The following SASH1 variants were observed in gnomAD, a reference collection of about 807,000 sequenced individuals.
SASH1 encodes SAM and SH3 domain-containing protein 1.
SASH1 carries 44 observed loss-of-function variants against 125.2 expected under a neutral mutation model. That is an observed-to-expected ratio of 0.35 (90% confidence interval 0.28 to 0.45). The LOEUF is 0.45. SASH1 is among the 20% of genes least tolerant of loss of function. The pLI is 1.00. For missense variants in SASH1, 1,426 were observed against 1,614.5 expected, an observed-to-expected ratio of 0.88 and a Z score of 2.00; for synonymous variants, 639 against 649.1, an observed-to-expected ratio of 0.98 and a Z score of 0.24.
intron 1 of SASH1, among the ~76,000 whole-genome samples, chr6:148,356,305 G>A (rs914555612): frequency 6.6e-6 from 1 of 151,260 alleles, no homozygotes; most frequent in East Asian, 1.9e-4. Flanking sequence ...GGCTGGTCTC[G>A]AACTCCTGAC....
the SASH1 span, among the ~76,000 whole-genome samples, chr6:148,207,368 C>A: frequency 6.6e-6 from 1 of 152,068 alleles, no homozygotes; most frequent in Non-Finnish European, 1.5e-5. Flanking sequence ...TAGTGGCTAC[C>A]ACACTGAACG....
intron 8 of SASH1, chr6:148,508,991 C>A: frequency 1.8e-6 from 1 of 552,864 alleles, no homozygotes. Context: ...TCTTAAATTC[C>A]TCTAGATTTG....
At chr6:148,421,189 G>GAA (rs1210627833) in intron 2 of SASH1, among the ~76,000 whole-genome samples, 3 of 144,508 alleles carry the variant, frequency 2.1e-5, no homozygotes, top group East Asian at 2.2e-4. Context: ...AAGAAAGAAA[G>GAA]AAAGAAAGAA....
intron 8 of SASH1, among the ~76,000 whole-genome samples, chr6:148,501,280 A>G (rs1191803164): frequency 6.6e-6 from 1 of 152,174 alleles, no homozygotes; most frequent in Non-Finnish European, 1.5e-5. Context: ...CATTCAGCCT[A>G]AGATGCCATA....
At position 148,544,038 on chromosome 6, in the gene SASH1, G is replaced by C; in HGVS notation, c.2568G>C (p.Glu856Asp). ...GTGCTGAGCAAGACGTGCCTACCGA[G>C]GTGACAGAACCGCCCCCTCAGATTG... ...EPGAEQDVPT[E>D]VTEPPPQIVP... The change falls in exon 18 of 20, where the codon GAG becomes GAC. Residue 856 changes from glutamate to aspartate, a missense_variant. By Grantham distance (45) the Glu-to-Asp change is conservative (BLOSUM62 2). Around this residue, in one of 3 missense-constraint regions of SASH1, gnomAD observed 634 missense variants for 694.4 expected, o/e 0.91. Transcript: ENST00000367467. The surrounding 1 kb of genome is among the most constrained non-coding windows in gnomAD (Gnocchi z 6.4). The C allele has an allele frequency of 6.2e-7, 1 of 1,614,106 alleles. No homozygotes were observed. Among genetic ancestry groups the C allele is most frequent in the African/African-American group, 1.3e-5 (1 of 75,024 alleles).
chr6:148,337,588 C>A (rs1781198041), intron 1 of SASH1, among the ~76,000 whole-genome samples: 1 of 152,038 alleles, frequency 6.6e-6, no homozygotes, highest in Admixed American at 6.6e-5. Context: ...TCTTGAACTC[C>A]TGAGCTCAGG....
the SASH1 span, among the ~76,000 whole-genome samples, chr6:148,233,742 C>CAAAAAAAAAAAAAAAAAAAAAAAAAAGA: frequency 1.7e-5 from 1 of 60,534 alleles, no homozygotes; most frequent in Non-Finnish European, 2.9e-5. Flanking sequence ...TTCCTCTCTA[C>CAAAAAAAAAAAAAAAAAAAAAAAAAAGA]AAAAAAAAAA....
the SASH1 span, among the ~76,000 whole-genome samples, chr6:148,254,809 A>C: frequency 6.6e-5 from 10 of 152,344 alleles, no homozygotes; most frequent in East Asian, 1.9e-3. Context: ...AGTTCTTCAA[A>C]GTTATACCCA....
At chr6:148,262,901 G>T in the SASH1 span, among the ~76,000 whole-genome samples, 1 of 152,120 alleles carries the variant, frequency 6.6e-6, no homozygotes, top group Non-Finnish European at 1.5e-5. Context: ...GAAAGTAAAA[G>T]CCCAATTAAT....
chr6:148,229,317 T>G, the SASH1 span, among the ~76,000 whole-genome samples: 10 of 152,134 alleles, frequency 6.6e-5, no homozygotes, highest in Admixed American at 2.0e-4. Context: ...TGGGGAGGGT[T>G]AGTGGACTAC....
chr6:148,295,836 G>A (rs1056878491), intron 1 of SASH1, among the ~76,000 whole-genome samples: 5 of 152,194 alleles, frequency 3.3e-5, no homozygotes, highest in South Asian at 2.1e-4. Flanking sequence ...CACCTGGTGG[G>A]TGGGGACAAC....
chr6:148,316,293 C>A (rs1370438411), intron 1 of SASH1, among the ~76,000 whole-genome samples: 1 of 152,106 alleles, frequency 6.6e-6, no homozygotes, highest in African/African-American at 2.4e-5. Flanking sequence ...GAGAGGGAAC[C>A]CACCAGAGTC....
chr6:148,512,817 C>T (rs1780223916), intron 8 of SASH1: 1 of 985,004 alleles, frequency 1.0e-6, no homozygotes, highest in South Asian at 4.7e-5. Context: ...ATACACTTTA[C>T]AGAAGAGAAG....
chr6:148,218,233 A>G, the SASH1 span, among the ~76,000 whole-genome samples: 3 of 152,092 alleles, frequency 2.0e-5, no homozygotes, highest in Admixed American at 6.6e-5. Flanking sequence ...AAATGAAAAA[A>G]AAATAAAAAA....
intron 1 of SASH1, among the ~76,000 whole-genome samples, chr6:148,363,328 GAC>G (rs140660368): frequency 0.029 from 4,368 of 151,896 alleles, 197 homozygotes; most frequent in East Asian, 0.18. Context: ...TTTTTGTAGA[GAC>G]AGGGTTTCAC....
chr6:148,314,225 C>T (rs1189641374), intron 1 of SASH1, among the ~76,000 whole-genome samples: 1 of 152,182 alleles, frequency 6.6e-6, no homozygotes, highest in Non-Finnish European at 1.5e-5. Context: ...TGAGTGGATG[C>T]AGCCCCACTT....
At chr6:148,326,323 C>CATATGTATATATATATATAT (rs71004286) in intron 1 of SASH1, among the ~76,000 whole-genome samples, 3 of 9,816 alleles carry the variant, frequency 3.1e-4, no homozygotes, top group African/African-American at 1.2e-3. Context: ...CCACCGCATG[C>CATATGTATATATATATATAT]ATATATATAT....
chr6:148,417,783 C>T (rs1784888364), intron 2 of SASH1, among the ~76,000 whole-genome samples: 1 of 151,704 alleles, frequency 6.6e-6, no homozygotes. Flanking sequence ...TCAGATTACA[C>T]GTAACGAAAA....
intron 1 of SASH1, among the ~76,000 whole-genome samples, chr6:148,304,662 A>G (rs185506081): frequency 2.6e-5 from 4 of 152,272 alleles, no homozygotes; most frequent in African/African-American, 4.8e-5. Context: ...CCTTAAAAAA[A>G]GAGAAGAAAA....
Sources: gnomAD v4.1 joint callset for allele counts (sites outside exome capture counted in the v4.1 genomes callset) on GRCh38, gnomAD v4.1.1 for gene constraint, gnomAD v4.1.1 regional missense constraint, Gnocchi (gnomAD v3.1) non-coding constraint, MANE v1.5 for transcripts, NCBI Gene and HGNC (gene_info 2026-07-23, HGNC 2026-07-21) for gene names.